DNAH7: variants seen among roughly 807,000 people sequenced by gnomAD.
DNAH7 encodes dynein axonemal heavy chain 7, also known as axonemal beta dynein heavy chain 7.
A neutral mutation model predicts 444.6 loss-of-function variants in DNAH7; 397 were observed. The observed-to-expected ratio is 0.89, with a 90% CI of 0.82 to 0.97. The LOEUF (loss-of-function observed/expected upper bound fraction) is 0.97. Among genes scored for constraint, DNAH7 ranks in the 50% least tolerant of loss-of-function variants. DNAH7 has a pLI of 0.00. For missense variants in DNAH7, 4,902 were observed against 4,800.8 expected, an observed-to-expected ratio of 1.02 and a Z score of -0.62; for synonymous variants, 1,636 against 1,624.4, an observed-to-expected ratio of 1.01 and a Z score of -0.17.
intron 31 of DNAH7, among the ~76,000 whole-genome samples, chr2:195,890,021 T>G (rs1701923513): frequency 6.6e-6 from 1 of 152,244 alleles, no homozygotes; most frequent in Non-Finnish European, 1.5e-5. Context: ...TTCAGATCCT[T>G]ATAATTCAAC....
At chr2:195,764,349 T>C (rs1356690690) in intron 61 of DNAH7, among the ~76,000 whole-genome samples, 1 of 152,128 alleles carries the variant, frequency 6.6e-6, no homozygotes, top group African/African-American at 2.4e-5. Flanking sequence ...ATGTCCACTT[T>C]CACAACTGTT....
chr2:196,019,131 C>G, intron 9 of DNAH7, 39 bp downstream of exon 9: 1 of 1,387,158 alleles, frequency 7.2e-7, no homozygotes, highest in Non-Finnish European at 9.5e-7. Flanking sequence ...CAACTTCCCT[C>G]TATATTTTAA....
At chr2:195,813,469 G>A (rs943764049) in intron 51 of DNAH7, among the ~76,000 whole-genome samples, 17 of 152,132 alleles carry the variant, frequency 1.1e-4, no homozygotes, top group African/African-American at 4.1e-4. Flanking sequence ...TAGCCCACTT[G>A]TCTCCAAAGT....
intron 8 of DNAH7, among the ~76,000 whole-genome samples, chr2:196,023,671 C>G (rs1317578633): frequency 6.6e-6 from 1 of 152,172 alleles, no homozygotes; most frequent in African/African-American, 2.4e-5. Flanking sequence ...GGCTGTTTCA[C>G]TTTCTTGTTG....
intron 57 of DNAH7, among the ~76,000 whole-genome samples, chr2:195,792,347 T>A (rs908893951): frequency 6.7e-6 from 1 of 148,886 alleles, no homozygotes; most frequent in Non-Finnish European, 1.5e-5. Flanking sequence ...TGTAAATGTA[T>A]CCCCTGAATC....
At position 195,888,929 on chromosome 2, in the gene DNAH7, A is replaced by G. The variant is rs1208258171; in HGVS notation, c.5099T>C (p.Ile1700Thr). 2 of 1,613,960 alleles carry G rather than the reference A, an allele frequency of 1.2e-6. No individual in the cohort carries two copies. Among genetic ancestry groups the G allele is most frequent in the East Asian group, 2.2e-5 (1 of 44,864 alleles). Residue 1700 changes from isoleucine (I) to threonine (T), a missense_variant, in exon 32 of 65, where the codon ATT becomes ACT. Physicochemically the swap from Ile to Thr is moderately conservative, Grantham distance 89 (BLOSUM62 -1). Coordinates refer to ENST00000312428, the MANE Select transcript of DNAH7 (RefSeq NM_018897.3). ...ATCCAGCACAGTGTTCATATTCTCA[A>G]TCCACACTGCATCTACTGGGCCATC... ...IFDGPVDAVW[I>T]ENMNTVLDDN... is the part of the protein sequence containing the mutation.
intron 17 of DNAH7, among the ~76,000 whole-genome samples, chr2:195,965,447 G>A (rs761631667): frequency 6.6e-6 from 1 of 152,076 alleles, no homozygotes. Context: ...ATGTGTCTTT[G>A]TCTAGTTTTG....
intron 15 of DNAH7, among the ~76,000 whole-genome samples, chr2:195,980,061 C>CAAAAAAAAAAAAAAAAAAAAAAA (rs59664135): frequency 1.3e-5 from 1 of 75,062 alleles, no homozygotes; most frequent in Non-Finnish European, 2.7e-5. Flanking sequence ...CAAACTAATA[C>CAAAAAAAAAAAAAAAAAAAAAAA]AAAAAAAAAA....
chr2:196,008,912 T>C (rs1352283024), intron 10 of DNAH7, among the ~76,000 whole-genome samples: 4 of 152,138 alleles, frequency 2.6e-5, no homozygotes, highest in African/African-American at 9.7e-5. Flanking sequence ...CATGATTCTA[T>C]ACGCTGTAGC....
In DNAH7 at chr2:196,051,394, C is replaced by A. The variant is rs188328973; in HGVS notation, c.79-145G>T. On this transcript the variant is annotated intron_variant, in intron 2 of 64. Coordinates refer to ENST00000312428, the MANE Select transcript of DNAH7 (RefSeq NM_018897.3). ...GATAAACTTTACTGCTTTTTAAATT[C>A]TCAGGTTTGTCTCAGAATTGTTTTC... 1.4e-3 allele frequency: 948 copies of A among 677,106 alleles called. 3 individuals carry two copies. The highest frequency in any genetic ancestry group is 1.3e-3 in the Non-Finnish European group (514 of 384,458). The allele number at this position is 677,106 out of a possible 1,614,324, so 41.9% of individuals were successfully genotyped here. A position where few individuals can be genotyped will look rare whatever the true frequency, so the allele number is the denominator to read the frequency against.
rs1695562558 is a variant in DNAH7 at position 196,024,501 on chromosome 2, T to C, written c.671A>G (p.Asp224Gly). ...YLLSVRKSIV[D>G]FVLKDPREKG... is the part of the protein sequence containing the mutation. Reference sequence around the variant, plus strand: ...CTCTCGAGGATCTTTTAAAACAAAATCAACTAAAAGAAAATTTTAAAATTC... The same window carrying C: ...CTCTCGAGGATCTTTTAAAACAAAACCAACTAAAAGAAAATTTTAAAATTC... Residue 224 changes from aspartate (D) to glycine (G), a missense_variant, in exon 8 of 65, where the codon GAT becomes GGT. Physicochemically the swap from Asp to Gly is moderately conservative, Grantham distance 94. Transcript: ENST00000312428. 1 of 1,562,952 alleles carries C rather than the reference T, an allele frequency of 6.4e-7. No homozygotes were observed. Among genetic ancestry groups the C allele is most frequent in the Non-Finnish European group, 8.6e-7 (1 of 1,156,882 alleles).
chr2:195,876,518 C>T (rs773226414), intron 37 of DNAH7, 26 bp downstream of exon 37: 110 of 1,609,496 alleles, frequency 6.8e-5, no homozygotes, highest in Middle Eastern at 1.6e-4. Context: ...ATGAATAGGC[C>T]CGGGTACTGT....
At chr2:195,790,634 C>A (rs1262784468) in intron 57 of DNAH7, among the ~76,000 whole-genome samples, 1 of 152,074 alleles carries the variant, frequency 6.6e-6, no homozygotes, top group African/African-American at 2.4e-5. Flanking sequence ...AGCTGGCTAG[C>A]CATATGCAGA....
At chr2:195,888,158 A>G in intron 33 of DNAH7, 100 bp downstream of exon 33, 2 of 953,558 alleles carry the variant, frequency 2.1e-6, no homozygotes, top group Non-Finnish European at 3.0e-6. Flanking sequence ...TTGATTTAAT[A>G]TCTCTTAGCT....
rs569729164 is a variant in DNAH7 at position 196,055,010 on chromosome 2, T to C, written c.78+3044A>G. ...TCATAGCAGCATGAGAAGGAACTAA[T>C]ACAATGGGAAAACTGACTTTAAAGT... On this transcript the variant is annotated intron_variant, in intron 2 of 64. Transcript: ENST00000312428. 2.0e-5 allele frequency among the ~76,000 whole-genome samples: 3 copies of C among 152,296 alleles called. No individual in the cohort carries two copies. The East Asian group carries it at 5.8e-4, about 29-fold the overall frequency.
intron 64 of DNAH7, among the ~76,000 whole-genome samples, 149 bp downstream of exon 64, chr2:195,740,609 GTGTGTGTA>G (rs1197635790): frequency 2.3e-4 from 13 of 56,836 alleles, no homozygotes; most frequent in African/African-American, 6.0e-4. Context: ...GTGTGTGTGT[GTGTGTGTA>G]TATATATATA....
intron 25 of DNAH7, among the ~76,000 whole-genome samples, 195 bp downstream of exon 25, chr2:195,909,832 A>G (rs1687251419): frequency 1.3e-5 from 2 of 152,186 alleles, no homozygotes; most frequent in South Asian, 4.1e-4. Context: ...GGGACTGGAG[A>G]GGAAAGTAGA....
chr2:195,833,572 T>C (rs1433317712), intron 48 of DNAH7, among the ~76,000 whole-genome samples: 1 of 152,200 alleles, frequency 6.6e-6, no homozygotes, highest in African/African-American at 2.4e-5. Context: ...CTACATGAAT[T>C]TAAAGCATGA....
intron 10 of DNAH7, among the ~76,000 whole-genome samples, chr2:196,005,947 C>T (rs968827499): frequency 2.6e-5 from 4 of 151,886 alleles, no homozygotes; most frequent in Non-Finnish European, 4.4e-5. Context: ...AAACTACAGA[C>T]CAATATCTCA....
Sources: gnomAD v4.1 joint callset for allele counts (sites outside exome capture counted in the v4.1 genomes callset) on GRCh38, gnomAD v4.1.1 for gene constraint, MANE v1.5 for transcripts, NCBI Gene and HGNC (gene_info 2026-07-23, HGNC 2026-07-21) for gene names.